The following SEC14L1 variants were observed in gnomAD, a reference collection of about 807,000 sequenced individuals.
The protein encoded by SEC14L1 is SEC14-like protein 1.
In SEC14L1, 48 loss-of-function variants were observed where a neutral mutation model predicts 85.3. The ratio of observed to expected loss-of-function variants is 0.56; its 90% confidence interval spans 0.45 to 0.72. SEC14L1 has a LOEUF of 0.72. SEC14L1 is among the 30% of genes least tolerant of loss of function. The probability of loss-of-function intolerance (pLI) is 0.00; values close to 1 mark genes in which losing one functional copy is unlikely to be tolerated. For missense variants in SEC14L1, 682 were observed against 921.4 expected (o/e 0.74, Z 3.36); for synonymous variants, 391 against 355.5 (o/e 1.10, Z -1.12).
At chr17:77,177,005 CAA>C (rs1974785510) in intron 3 of SEC14L1, among the ~76,000 whole-genome samples, 1 of 152,140 alleles carries the variant, frequency 6.6e-6, no homozygotes, top group Non-Finnish European at 1.5e-5. Context: ...AAGAATGAAG[CAA>C]AGACATTTTT....
At chr17:77,088,760 G>A (rs2304927) in exon 1 of SEC14L1, 5,634 of 149,106 alleles carry the variant, frequency 0.038, 192 homozygotes, top group East Asian at 0.21. Context: ...CTCGCAGTCC[G>A]CAGGATGACT....
chr17:77,185,217 C>T (rs1300590114), intron 3 of SEC14L1: 19 of 985,332 alleles, frequency 1.9e-5, no homozygotes, highest in Non-Finnish European at 2.3e-5. Context: ...CCTAGCAGTG[C>T]ATTTGGTGGC....
At chr17:77,190,726 A>C in intron 3 of SEC14L1, 77 bp from the exon 4 acceptor site, 1 of 1,490,532 alleles carries the variant, frequency 6.7e-7, no homozygotes, top group Non-Finnish European at 9.3e-7. Flanking sequence ...GTGCTGTTCC[A>C]GGGAGAACAC....
rs923723421 is a variant in SEC14L1, at chr17:77,213,772, T to C, written c.2043-146T>C. On this transcript the variant is annotated intron_variant, in intron 16 of 16. Coordinates refer to ENST00000436233, the MANE Select transcript of SEC14L1 (RefSeq NM_001143998.2). This position sits in a 1 kb window ranked among gnomAD's most constrained non-coding sequence, Gnocchi z 7.1. ...GAAGCCGGTCCCCCTGGTGGGTTAC[T>C]CATGTCCATCCCCCGTTTGCAAGCA... is the stretch of plus-strand genomic sequence containing the variant. 2 of 1,091,180 alleles carry C rather than the reference T, an allele frequency of 1.8e-6. No individual in the cohort carries two copies. Among genetic ancestry groups the C allele is most frequent in the Non-Finnish European group, 2.7e-6 (2 of 728,642 alleles). 67.6% of individuals were successfully genotyped at this position (1,091,180 alleles called of 1,614,324 possible).
chr17:77,185,447 G>A (rs76325517), intron 3 of SEC14L1: 36,748 of 937,030 alleles, frequency 0.039, 773 homozygotes, highest in South Asian at 0.051. Context: ...GGAAGGGAAC[G>A]TTTTTAGTGT....
chr17:77,157,781 C>T (rs952786994), intron 3 of SEC14L1, among the ~76,000 whole-genome samples: 5 of 152,156 alleles, frequency 3.3e-5, no homozygotes, highest in Non-Finnish European at 7.3e-5. Context: ...CTGCCTTGGC[C>T]TCCCAAAGTA....
rs558552288 is a variant in SEC14L1 at position 77,213,652 on chromosome 17, G to C, written c.2042+160G>C. On this transcript the variant is annotated intron_variant, in intron 16 of 16. Transcript: ENST00000436233. This position sits in a 1 kb window ranked among gnomAD's most constrained non-coding sequence, Gnocchi z 7.1. ...CTTTGGGGTCATTTGTTGGCACGGT[G>C]ACTCCCTGCCTGTCTGCAGAGGGAG... The C allele has an allele frequency of 1.5e-5, 14 of 928,548 alleles. No homozygotes were observed. Among genetic ancestry groups the C allele is most frequent in the Admixed American group, 1.2e-4 (6 of 50,348 alleles). 57.5% of individuals were successfully genotyped at this position (928,548 alleles called of 1,614,324 possible). A position where few individuals can be genotyped will look rare whatever the true frequency, so the allele number is the denominator to read the frequency against.
At chr17:77,141,151 G>A (rs1973000548) in intron 1 of SEC14L1, 44 bp downstream of exon 1, 1 of 151,646 alleles carries the variant, frequency 6.6e-6, no homozygotes, top group Non-Finnish European at 1.5e-5. Context: ...CCTCGCCCCG[G>A]TCCCGGTCTC....
In SEC14L1 at chr17:77,214,790, G is replaced by GT. The variant is rs1252552419; in HGVS notation, c.*770dup. ...GAACTTGGGTGGGGGGGTTCTTCCC[G>GT]TTTCCTTCCGTGCGTCGCCCCTCTC... On this transcript the variant is annotated 3_prime_UTR_variant, in exon 17 of 17. Transcript: ENST00000436233. 5 of 985,310 alleles carry GT rather than the reference G, an allele frequency of 5.1e-6. No homozygotes were observed. The Admixed American group carries it at 1.8e-4, about 36-fold the overall frequency. 61.0% of individuals were successfully genotyped at this position (985,310 alleles called of 1,614,324 possible). A position where few individuals can be genotyped will look rare whatever the true frequency, so the allele number is the denominator to read the frequency against.
chr17:77,172,333 C>T (rs1279717548), intron 3 of SEC14L1, among the ~76,000 whole-genome samples: 10 of 152,132 alleles, frequency 6.6e-5, no homozygotes, highest in Admixed American at 5.2e-4. Context: ...CCATCTGGGA[C>T]ATTCCTTTTT....
intron 3 of SEC14L1, among the ~76,000 whole-genome samples, chr17:77,117,988 C>T (rs550375995): frequency 3.9e-5 from 6 of 152,264 alleles, no homozygotes; most frequent in African/African-American, 7.2e-5. Flanking sequence ...AAGGCTTGGA[C>T]GCCAAACAGC....
intron 3 of SEC14L1, among the ~76,000 whole-genome samples, chr17:77,150,781 C>T (rs1240524676): frequency 2.0e-5 from 3 of 152,210 alleles, no homozygotes; most frequent in South Asian, 2.1e-4. Flanking sequence ...CAGCTAGCTG[C>T]GTTCAGAAAC....
In SEC14L1 at chr17:77,216,743, A is replaced by G; in HGVS notation, c.*2720A>G. The G allele has an allele frequency of 2.7e-6, 3 of 1,093,996 alleles. No individual in the cohort carries two copies. Among genetic ancestry groups the G allele is most frequent in the Non-Finnish European group, 4.0e-6 (3 of 756,280 alleles). The allele number at this position is 1,093,996 out of a possible 1,614,324, so 67.8% of individuals were successfully genotyped here. On this transcript the variant is annotated 3_prime_UTR_variant, in exon 17 of 17. Transcript: ENST00000436233. ...CTGTAGTGCATCTTGAAGAGCTCAAAGCACATGACCGCACAAATGCTTACA... is the reference window on the plus strand; with the variant it reads ...CTGTAGTGCATCTTGAAGAGCTCAAGGCACATGACCGCACAAATGCTTACA...
In SEC14L1 at chr17:77,216,497, C is replaced by G. The variant is rs1394510680; in HGVS notation, c.*2474C>G. 1.2e-5 allele frequency: 19 copies of G among 1,612,686 alleles called. No individual in the cohort carries two copies. The Admixed American group carries it at 3.2e-4, about 27-fold the overall frequency. On this transcript the variant is annotated 3_prime_UTR_variant, in exon 17 of 17. Transcript: ENST00000436233. ...CCTGGTGCTTCCTGTTCCCAAATCA[C>G]AAGGGCCTGAAGGTGGTCCCTGCTT... is the stretch of plus-strand genomic sequence containing the variant.
At chr17:77,091,804 A>G (rs545415121) in intron 2 of SEC14L1, among the ~76,000 whole-genome samples, 1 of 151,758 alleles carries the variant, frequency 6.6e-6, no homozygotes, top group East Asian at 1.9e-4. Context: ...AGACAATAAC[A>G]GTTTATGAAA....
chr17:77,177,601 G>T (rs146525061), intron 3 of SEC14L1, among the ~76,000 whole-genome samples: 411 of 152,110 alleles, frequency 2.7e-3, no homozygotes, highest in African/African-American at 9.7e-3. Flanking sequence ...CAAGGAGAGA[G>T]GGAATAGTGT....
At chr17:77,149,323 A>C (rs1390465876) in intron 3 of SEC14L1, among the ~76,000 whole-genome samples, 1 of 152,216 alleles carries the variant, frequency 6.6e-6, no homozygotes, top group Non-Finnish European at 1.5e-5. Flanking sequence ...GTCTGTGGGC[A>C]TGCAGATGTG....
rs1977110475 is a variant in SEC14L1 at position 77,216,549 on chromosome 17, A to G, written c.*2526A>G. 1.2e-6 allele frequency: 2 copies of G among 1,613,248 alleles called. No individual in the cohort carries two copies. The highest frequency in any genetic ancestry group is 2.2e-5 in the East Asian group (1 of 44,876). On this transcript the variant is annotated 3_prime_UTR_variant, in exon 17 of 17. Coordinates refer to ENST00000436233, the MANE Select transcript of SEC14L1 (RefSeq NM_001143998.2). Reference sequence around the variant, plus strand: ...CTCTTTCTCTTTCTCTGTGTCTCAGATGGCGATTTTGCTGACAGCTGCCAA... The same window carrying G: ...CTCTTTCTCTTTCTCTGTGTCTCAGGTGGCGATTTTGCTGACAGCTGCCAA...
At chr17:77,205,976 G>C (rs1976445345) in intron 11 of SEC14L1, among the ~76,000 whole-genome samples, 2 of 152,156 alleles carry the variant, frequency 1.3e-5, no homozygotes, top group African/African-American at 4.8e-5. Flanking sequence ...GAGCATATCT[G>C]AGAGAGCTTT....
Sources: gnomAD v4.1 joint callset for allele counts (sites outside exome capture counted in the v4.1 genomes callset) on GRCh38, gnomAD v4.1.1 for gene constraint, Gnocchi (gnomAD v3.1) non-coding constraint, MANE v1.5 for transcripts, NCBI Gene and HGNC (gene_info 2026-07-23, HGNC 2026-07-21) for gene names.